Variants in LBH observed in about 807,000 individuals in gnomAD.
LBH encodes protein LBH.
LBH carries 7 observed loss-of-function variants against 12.5 expected under a neutral mutation model. The ratio of observed to expected loss-of-function variants is 0.56; its 90% CI spans 0.32 to 1.05. The LOEUF is 1.05. Among genes scored for constraint, LBH ranks in the 50% least tolerant of loss-of-function variants. The pLI is 0.04. For synonymous variants in LBH, 51 were observed against 50.1 expected, an observed-to-expected ratio of 1.02 and a Z score of -0.08; for missense variants, 119 against 138.9, an observed-to-expected ratio of 0.86 and a Z score of 0.72.
chr2:30,249,986 C>T lies in LBH; in HGVS notation c.130-7447C>T, dbSNP rs1437290313. 5.3e-5 allele frequency among the ~76,000 whole-genome samples: 8 copies of T among 152,162 alleles called. No individual in the cohort carries two copies. The East Asian group carries it at 1.4e-3, about 26-fold the overall frequency. The stretch of plus-strand genomic sequence containing the variant: ...CAGCACTGTGACCTTGCCAACCATA[C>T]CGTAAAGTGGAAATGATTTTCTCAT... On this transcript the variant is annotated intron_variant, in intron 2 of 2. Transcript: ENST00000395323.
At chr2:30,250,769 T>G (rs1677964515) in intron 2 of LBH, among the ~76,000 whole-genome samples, 1 of 151,936 alleles carries the variant, frequency 6.6e-6, no homozygotes, top group Non-Finnish European at 1.5e-5. Context: ...GCTGAGGAAT[T>G]CCTGGTCTCC....
chr2:30,238,293 A>G (rs1677724091), intron 2 of LBH, among the ~76,000 whole-genome samples: 1 of 152,196 alleles, frequency 6.6e-6, no homozygotes, highest in Non-Finnish European at 1.5e-5. Context: ...TCATCACCCC[A>G]GCTAAGGTCC....
intron 2 of LBH, among the ~76,000 whole-genome samples, chr2:30,253,979 T>A (rs554878038): frequency 6.6e-6 from 1 of 152,308 alleles, no homozygotes; most frequent in African/African-American, 2.4e-5. Context: ...TTTGAAGTCC[T>A]ACAGGTCTGA....
chr2:30,234,273 T>G (rs1246352384), intron 1 of LBH, 132 bp from the exon 2 acceptor site: 7 of 717,736 alleles, frequency 9.8e-6, no homozygotes, highest in Non-Finnish European at 1.7e-5. Flanking sequence ...CTTGTTTTGC[T>G]GCAAGTTCTG....
At chr2:30,243,188 G>A (rs1325221114) in intron 2 of LBH, among the ~76,000 whole-genome samples, 1 of 152,218 alleles carries the variant, frequency 6.6e-6, no homozygotes, top group Non-Finnish European at 1.5e-5. Context: ...GATGATAACA[G>A]TTGATGATGT....
chr2:30,235,614 T>G (rs747793238), intron 2 of LBH, among the ~76,000 whole-genome samples: 2 of 152,034 alleles, frequency 1.3e-5, no homozygotes, highest in Non-Finnish European at 2.9e-5. Flanking sequence ...ACACCATGGC[T>G]TGGTTCCGCT....
chr2:30,235,690 T>TAA (rs11285876), intron 2 of LBH, among the ~76,000 whole-genome samples: 1 of 146,498 alleles, frequency 6.8e-6, no homozygotes. Flanking sequence ...TTTTGTAAAT[T>TAA]AAAAAAAAAA....
At chr2:30,241,977 G>A (rs1038052433) in intron 2 of LBH, among the ~76,000 whole-genome samples, 2 of 151,984 alleles carry the variant, frequency 1.3e-5, no homozygotes, top group African/African-American at 4.8e-5. Flanking sequence ...TATTCCAAGC[G>A]ATCATTTTTA....
At chr2:30,240,049 C>A (rs971888598) in intron 2 of LBH, among the ~76,000 whole-genome samples, 2 of 152,182 alleles carry the variant, frequency 1.3e-5, no homozygotes, top group Non-Finnish European at 2.9e-5. Context: ...CTGTGTTGGG[C>A]CTGACGCCTC....
chr2:30,255,070 G>A (rs1377231921), intron 2 of LBH, among the ~76,000 whole-genome samples: 1 of 152,276 alleles, frequency 6.6e-6, no homozygotes, highest in Non-Finnish European at 1.5e-5. Flanking sequence ...GCTCTGCCAT[G>A]TGACCCACAG....
At chr2:30,243,097 A>G (rs1677816874) in intron 2 of LBH, among the ~76,000 whole-genome samples, 1 of 152,260 alleles carries the variant, frequency 6.6e-6, no homozygotes, top group Non-Finnish European at 1.5e-5. Flanking sequence ...GGATAGAATC[A>G]GAAAGATATT....
chr2:30,235,776 G>C (rs1038026796), intron 2 of LBH, among the ~76,000 whole-genome samples: 6 of 152,180 alleles, frequency 3.9e-5, no homozygotes, highest in African/African-American at 1.4e-4. Flanking sequence ...CAAGCTAAAA[G>C]TTCAGGCAGG....
chr2:30,239,613 A>G (rs1374688462), intron 2 of LBH, among the ~76,000 whole-genome samples: 6 of 152,114 alleles, frequency 3.9e-5, no homozygotes, highest in African/African-American at 1.4e-4. Context: ...CCGCGGACAC[A>G]TGTTCCTGGG....
chr2:30,234,626 G>A, intron 2 of LBH, 119 bp downstream of exon 2: 2 of 658,116 alleles, frequency 3.0e-6, no homozygotes, highest in Non-Finnish European at 5.4e-6. Context: ...CTGTGGCAGA[G>A]TCCCCTAATG....
At chr2:30,251,747 A>T (rs966122948) in intron 2 of LBH, among the ~76,000 whole-genome samples, 1 of 151,942 alleles carries the variant, frequency 6.6e-6, no homozygotes, top group Non-Finnish European at 1.5e-5. Context: ...ACAGAAATTT[A>T]TATGTGATAT....
intron 2 of LBH, among the ~76,000 whole-genome samples, chr2:30,248,082 GCAGGTC>G (rs1384260456): frequency 3.9e-5 from 6 of 152,206 alleles, no homozygotes; most frequent in Non-Finnish European, 1.5e-5. Context: ...TGAGAGGGTA[GCAGGTC>G]CATCAGCTCT....
chr2:30,257,715 T>C lies in LBH; in HGVS notation c.*94T>C. ...ACGGAAGAAGAGAGTGAGCCGCAAT[T>C]GTTCTGAAAATGTCAAACGAGGCTT... is the stretch of plus-strand genomic sequence containing the variant. On this transcript the variant is annotated 3_prime_UTR_variant, in exon 3 of 3. Coordinates refer to ENST00000395323, the MANE Select transcript of LBH (RefSeq NM_030915.4). 1.1e-6 allele frequency: 1 copy of C among 928,908 alleles called. No individual in the cohort carries two copies. Among genetic ancestry groups the C allele is most frequent in the East Asian group, 2.9e-5 (1 of 34,990 alleles). The allele number at this position is 928,908 out of a possible 1,614,324, so 57.5% of individuals were successfully genotyped here.
Position 30,234,415 on chromosome 2 carries a change from C to G in LBH, c.37C>G (p.Leu13Val), listed in dbSNP as rs1395232344. Residue 13 changes from leucine to valine, a missense_variant, in exon 2 of 3, where the codon CTG becomes GTG. By Grantham distance (32) the Leu-to-Val change is conservative. Coordinates refer to ENST00000395323, the MANE Select transcript of LBH (RefSeq NM_030915.4). Reference sequence around the variant, plus strand: ...TGGGTTTCTTGGCAGCCCCGACTATCTGAGATCGGCCAAGATGACTGAGGT... The same window carrying G: ...TGGGTTTCTTGGCAGCCCCGACTATGTGAGATCGGCCAAGATGACTGAGGT... ...IYFPIHCPDY[L>V]RSAKMTEVMM... is the part of the protein sequence containing the mutation. 6.2e-7 allele frequency: 1 copy of G among 1,614,008 alleles called. No homozygotes were observed. The highest frequency in any genetic ancestry group is 1.7e-5 in the Admixed American group (1 of 60,028).
chr2:30,244,772 G>T (rs1410265618), intron 2 of LBH, among the ~76,000 whole-genome samples: 4 of 152,080 alleles, frequency 2.6e-5, no homozygotes, highest in Non-Finnish European at 4.4e-5. Flanking sequence ...CAGGCGTGGT[G>T]GTGTGCACCC....
Sources: allele counts gnomAD v4.1 joint callset (sites outside exome capture counted in the v4.1 genomes callset), GRCh38; gene constraint gnomAD v4.1.1; transcripts MANE v1.5; gene names NCBI Gene and HGNC (gene_info 2026-07-23, HGNC 2026-07-21).